The following ASAP2 variants were observed in gnomAD, a reference collection of about 807,000 sequenced individuals.
ASAP2 encodes the protein ArfGAP with SH3 domain, ankyrin repeat and PH domain 2.
Under a neutral mutation model 131.4 loss-of-function variants are expected in ASAP2, and 45 were observed. The observed-to-expected ratio is 0.34, with a 90% CI of 0.27 to 0.44. ASAP2 has a LOEUF of 0.44. ASAP2 is among the 20% of genes least tolerant of loss of function. ASAP2 has a pLI of 1.00. For missense variants in ASAP2, 1,011 were observed against 1,297.0 expected, an observed-to-expected ratio of 0.78 and a Z score of 3.39; for synonymous variants, 510 against 503.0, an observed-to-expected ratio of 1.01 and a Z score of -0.19.
intron 1 of ASAP2, among the ~76,000 whole-genome samples, chr2:9,209,649 A>G (rs1251442337): frequency 6.6e-6 from 1 of 152,230 alleles, no homozygotes; most frequent in Non-Finnish European, 1.5e-5. Flanking sequence ...GGCTCACTGC[A>G]TCCTCTGCCT....
In ASAP2 at chr2:9,389,076, A is replaced by C. The variant is rs1258220031; in HGVS notation, c.2383+530A>C. Among the ~76,000 whole-genome samples the C allele has an allele frequency of 2.0e-5, 3 of 152,268 alleles. No homozygotes were observed. The highest frequency in any genetic ancestry group is 3.8e-4 in the East Asian group (2 of 5,206). ...CTACCAGTGTCTTAGGGCAAAAAGCATGCTTTTCTTACCTCAGCTGTAACC... is the reference window on the plus strand; with the variant it reads ...CTACCAGTGTCTTAGGGCAAAAAGCCTGCTTTTCTTACCTCAGCTGTAACC... On this transcript the variant is annotated intron_variant, in intron 22 of 27. Coordinates refer to ENST00000281419, the MANE Select transcript of ASAP2 (RefSeq NM_003887.3). This position sits in a 1 kb window ranked among gnomAD's most constrained non-coding sequence, Gnocchi z 4.7.
At chr2:9,376,459 G>A (rs1427202428) in intron 17 of ASAP2, among the ~76,000 whole-genome samples, 1 of 152,250 alleles carries the variant, frequency 6.6e-6, no homozygotes, top group East Asian at 1.9e-4. Flanking sequence ...AGCATTCGTA[G>A]CCTTGTCTGT....
chr2:9,357,145 C>T (rs1672761199), intron 14 of ASAP2, among the ~76,000 whole-genome samples: 1 of 151,236 alleles, frequency 6.6e-6, no homozygotes, highest in African/African-American at 2.4e-5. Flanking sequence ...GTTCCCATGA[C>T]CCTGAAGACT....
At chr2:9,296,390 T>G (rs913329545) in intron 2 of ASAP2, among the ~76,000 whole-genome samples, 3 of 152,204 alleles carry the variant, frequency 2.0e-5, no homozygotes, top group Non-Finnish European at 4.4e-5. Context: ...GTCTAGAGTT[T>G]GGTGAAAATC....
intron 16 of ASAP2, among the ~76,000 whole-genome samples, chr2:9,373,745 T>C (rs557452793): frequency 1.3e-5 from 2 of 152,344 alleles, no homozygotes; most frequent in Non-Finnish European, 2.9e-5. Context: ...TAGGCAGTGC[T>C]GTGTTACAAA....
At chr2:9,377,299 C>T (rs1372515355) in intron 18 of ASAP2, among the ~76,000 whole-genome samples, 4 of 152,104 alleles carry the variant, frequency 2.6e-5, no homozygotes, top group African/African-American at 7.2e-5. Context: ...GCACAGGGGC[C>T]GTCCTCGCCT....
intron 5 of ASAP2, among the ~76,000 whole-genome samples, chr2:9,321,925 C>T (rs1457821264): frequency 2.6e-5 from 4 of 151,950 alleles, no homozygotes; most frequent in Non-Finnish European, 5.9e-5. Context: ...TTCATTTATC[C>T]CAAGAGGTTT....
At chr2:9,213,197 AGCAG>A (rs1661728087) in intron 1 of ASAP2, among the ~76,000 whole-genome samples, 1 of 152,202 alleles carries the variant, frequency 6.6e-6, no homozygotes, top group African/African-American at 2.4e-5. Flanking sequence ...GTGACATTTG[AGCAG>A]GCTGGAATGC....
intron 14 of ASAP2, 50 bp downstream of exon 14, chr2:9,356,395 A>G (rs1240097851): frequency 6.7e-7 from 1 of 1,495,056 alleles, no homozygotes; most frequent in Non-Finnish European, 9.0e-7. Context: ...TTTCAATCCC[A>G]TTCTGATTCA....
At chr2:9,335,002 T>G (rs1671106676) in intron 8 of ASAP2, 91 bp from the exon 9 acceptor site, 3 of 1,404,800 alleles carry the variant, frequency 2.1e-6, no homozygotes, top group Non-Finnish European at 2.0e-6. Flanking sequence ...GTTGTCGCAT[T>G]GTGTGGAAAT....
chr2:9,345,668 G>C (rs1671916339), intron 11 of ASAP2, among the ~76,000 whole-genome samples: 1 of 152,106 alleles, frequency 6.6e-6, no homozygotes, highest in Non-Finnish European at 1.5e-5. Flanking sequence ...AGTAGTGCAT[G>C]CAAGCCAGCA....
At chr2:9,297,710 A>C (rs1240172089) in intron 3 of ASAP2, among the ~76,000 whole-genome samples, 2 of 152,230 alleles carry the variant, frequency 1.3e-5, no homozygotes, top group African/African-American at 4.8e-5. Flanking sequence ...TCGTCTTCTT[A>C]AGGGCCTCTG....
chr2:9,271,673 G>A lies in ASAP2; in HGVS notation c.127-7644G>A, dbSNP rs571172065. 75 of 629,100 alleles carry A rather than the reference G, an allele frequency of 1.2e-4. No individual in the cohort carries two copies. In the Admixed American group the frequency reaches 1.3e-3, roughly 11 times the overall value. The allele number at this position is 629,100 out of a possible 1,614,324, so 39.0% of individuals were successfully genotyped here. On this transcript the variant is annotated intron_variant, in intron 1 of 27. Coordinates refer to ENST00000281419, the MANE Select transcript of ASAP2 (RefSeq NM_003887.3). ...TCGGTGGAAATGGTCTGCGGAAGAC[G>A]GCGGGCAGAGGGTACGGAAAGTAGG...
At chr2:9,307,009 T>C (rs1205145169) in intron 3 of ASAP2, among the ~76,000 whole-genome samples, 2 of 152,156 alleles carry the variant, frequency 1.3e-5, no homozygotes, top group African/African-American at 4.8e-5. Context: ...GCAGTCAAGC[T>C]TGAGCAGCAC....
chr2:9,397,933 T>C (rs1402236767), intron 24 of ASAP2, among the ~76,000 whole-genome samples: 2 of 150,580 alleles, frequency 1.3e-5, no homozygotes, highest in Non-Finnish European at 3.0e-5. Context: ...TAATTTTTTG[T>C]ATTTTTAGTA....
intron 2 of ASAP2, among the ~76,000 whole-genome samples, chr2:9,282,894 T>C (rs1436415921): frequency 6.6e-6 from 1 of 152,212 alleles, no homozygotes; most frequent in East Asian, 1.9e-4. Flanking sequence ...TGTCACTGCT[T>C]CCTGAGTGTG....
chr2:9,254,254 T>TATATATATATATATATATATTATATATAC (rs1553297027), intron 1 of ASAP2, among the ~76,000 whole-genome samples: 1 of 65,766 alleles, frequency 1.5e-5, no homozygotes, highest in African/African-American at 7.4e-5. Context: ...TATATATATA[T>TATATATATATATATATATATTATATATAC]ACACGTGTGT....
In ASAP2 at chr2:9,393,462, T is replaced by G. The variant is rs1255882341; in HGVS notation, c.2519-20T>G. On this transcript the variant is annotated intron_variant, in intron 23 of 27. Coordinates refer to ENST00000281419, the MANE Select transcript of ASAP2 (RefSeq NM_003887.3). ...AGCCTGGCGGCTGACCCTCTGCACGTCTCTCCCTGTCCTCCGCAGATCCCC... is the reference window on the plus strand; with the variant it reads ...AGCCTGGCGGCTGACCCTCTGCACGGCTCTCCCTGTCCTCCGCAGATCCCC... 6 of 1,589,050 alleles carry G rather than the reference T, an allele frequency of 3.8e-6. No individual in the cohort carries two copies. Among genetic ancestry groups the G allele is most frequent in the Non-Finnish European group, 4.3e-6 (5 of 1,166,176 alleles).
intron 17 of ASAP2, 126 bp from the exon 18 acceptor site, chr2:9,376,782 A>C: frequency 2.4e-6 from 2 of 819,950 alleles, no homozygotes; most frequent in Non-Finnish European, 4.0e-6. Flanking sequence ...ACTCTATGTA[A>C]GAGATAAGTT....
Sources: gnomAD v4.1 joint callset for allele counts (sites outside exome capture counted in the v4.1 genomes callset) on GRCh38, gnomAD v4.1.1 for gene constraint, Gnocchi (gnomAD v3.1) non-coding constraint, MANE v1.5 for transcripts, NCBI Gene and HGNC (gene_info 2026-07-23, HGNC 2026-07-21) for gene names.